SKAP1: variants seen among roughly 807,000 people sequenced by gnomAD.
The protein encoded by SKAP1 is src kinase-associated phosphoprotein 1.
SKAP1 carries 44 observed loss-of-function variants against 58.5 expected under a neutral mutation model. The ratio of observed to expected loss-of-function variants is 0.75; its 90% CI spans 0.59 to 0.97. The LOEUF is 0.97. Ranked by LOEUF, SKAP1 falls within the 50% of genes least tolerant of loss-of-function variation. The pLI, the probability that SKAP1 is intolerant of heterozygous loss-of-function variation, is 0.00. For synonymous variants in SKAP1, 127 were observed against 149.7 expected, an observed-to-expected ratio of 0.85 and a Z score of 1.11; for missense variants, 390 against 435.2, an observed-to-expected ratio of 0.90 and a Z score of 0.92.
chr17:48,405,002 G>C (rs1042387194), intron 1 of SKAP1, among the ~76,000 whole-genome samples: 1 of 152,104 alleles, frequency 6.6e-6, no homozygotes, highest in Non-Finnish European at 1.5e-5. Context: ...TTGATGTAAA[G>C]TACAATCCAC....
upstream of SKAP1, among the ~76,000 whole-genome samples, chr17:48,433,802 T>C (rs955153146): frequency 6.6e-6 from 1 of 151,666 alleles, no homozygotes; most frequent in Admixed American, 6.6e-5. Flanking sequence ...ACACAGAAAA[T>C]AGGGCCCATA....
At chr17:48,202,640 G>A (rs2064743369) in intron 4 of SKAP1, among the ~76,000 whole-genome samples, 1 of 152,130 alleles carries the variant, frequency 6.6e-6, no homozygotes, top group Non-Finnish European at 1.5e-5. Context: ...AGATTTAGGA[G>A]GGGAAAATGA....
At chr17:48,433,209 C>T (rs750084217), upstream of SKAP1, among the ~76,000 whole-genome samples, 7 of 152,130 alleles carry the variant, frequency 4.6e-5, no homozygotes, top group East Asian at 1.3e-3. Context: ...AATCCAATTT[C>T]GCAGGAAGCC....
intron 12 of SKAP1, among the ~76,000 whole-genome samples, chr17:48,135,528 C>T (rs1157198907): frequency 2.0e-5 from 3 of 152,068 alleles, no homozygotes; most frequent in Non-Finnish European, 4.4e-5. Flanking sequence ...CCCAGGCTGG[C>T]GTGCAGTGGT....
chr17:48,286,720 A>G (rs2065834231), intron 4 of SKAP1, among the ~76,000 whole-genome samples: 1 of 152,232 alleles, frequency 6.6e-6, no homozygotes, highest in Admixed American at 6.5e-5. Flanking sequence ...CCTCAAGAGC[A>G]AGAGTTCTTT....
chr17:48,230,303 T>A (rs1220897835), intron 4 of SKAP1, among the ~76,000 whole-genome samples: 1 of 152,228 alleles, frequency 6.6e-6, no homozygotes, highest in Non-Finnish European at 1.5e-5. Context: ...ATGTCTTTTC[T>A]TGTCCATACT....
chr17:48,389,272 C>T (rs2067315976), intron 2 of SKAP1, among the ~76,000 whole-genome samples: 1 of 152,202 alleles, frequency 6.6e-6, no homozygotes, highest in South Asian at 2.1e-4. Context: ...ACAGGGATAG[C>T]ACCTCTTTTA....
chr17:48,215,305 G>T (rs1434168186), intron 4 of SKAP1, among the ~76,000 whole-genome samples: 1 of 152,170 alleles, frequency 6.6e-6, no homozygotes, highest in African/African-American at 2.4e-5. Flanking sequence ...TATGGAGGAA[G>T]ACAAGCAGAA....
intron 4 of SKAP1, chr17:48,307,818 G>A (rs556829128): frequency 6.6e-6 from 1 of 152,214 alleles, no homozygotes; most frequent in East Asian, 1.9e-4. Context: ...AGAGGATAAT[G>A]TATATTTACA....
intron 4 of SKAP1, among the ~76,000 whole-genome samples, chr17:48,327,716 C>A (rs1424125301): frequency 2.6e-5 from 4 of 152,166 alleles, no homozygotes; most frequent in Non-Finnish European, 5.9e-5. Flanking sequence ...GCAGCCTCAA[C>A]CTCCTGGGCT....
intron 4 of SKAP1, among the ~76,000 whole-genome samples, chr17:48,289,783 ATATT>A (rs1164271602): frequency 2.6e-5 from 4 of 151,840 alleles, no homozygotes; most frequent in Non-Finnish European, 4.4e-5. Context: ...GTATATATAT[ATATT>A]TAAAAATTAA....
At chr17:48,214,626 T>TC (rs2064914653) in intron 4 of SKAP1, among the ~76,000 whole-genome samples, 1 of 151,398 alleles carries the variant, frequency 6.6e-6, no homozygotes, top group South Asian at 2.1e-4. Flanking sequence ...TTTTTTTTTT[T>TC]TTCTCTTTTT....
chr17:48,288,083 GTTAC>G (rs2065854804), intron 4 of SKAP1, among the ~76,000 whole-genome samples: 1 of 152,140 alleles, frequency 6.6e-6, no homozygotes, highest in South Asian at 2.1e-4. Flanking sequence ...TAGTAACAGT[GTTAC>G]TTAATTTGAC....
intron 4 of SKAP1, among the ~76,000 whole-genome samples, chr17:48,323,139 G>T (rs184225986): frequency 6.6e-6 from 1 of 151,358 alleles, no homozygotes; most frequent in African/African-American, 2.4e-5. Context: ...TAGAATGAAC[G>T]CTGGTAGACA....
intron 4 of SKAP1, among the ~76,000 whole-genome samples, chr17:48,269,929 A>G (rs1458746468): frequency 6.6e-6 from 1 of 152,258 alleles, no homozygotes; most frequent in East Asian, 1.9e-4. Context: ...CCCGACCAAC[A>G]TGGAGAAACC....
chr17:48,222,032 T>C (rs768297020), intron 4 of SKAP1, among the ~76,000 whole-genome samples: 1 of 152,180 alleles, frequency 6.6e-6, no homozygotes, highest in African/African-American at 2.4e-5. Flanking sequence ...ATTATTATAA[T>C]AAGCCCAGTC....
At chr17:48,276,143 T>A (rs1485210209) in intron 4 of SKAP1, among the ~76,000 whole-genome samples, 1 of 152,142 alleles carries the variant, frequency 6.6e-6, no homozygotes. Context: ...AACCATATGA[T>A]TCACAACTAA....
chr17:48,248,513 G>A (rs369921339), intron 4 of SKAP1, among the ~76,000 whole-genome samples: 1 of 152,302 alleles, frequency 6.6e-6, no homozygotes, highest in South Asian at 2.1e-4. Context: ...GTTGCAGTGG[G>A]CAGAGATTGC....
At chr17:48,374,585 T>C (rs1567889183) in intron 2 of SKAP1, among the ~76,000 whole-genome samples, 1 of 152,190 alleles carries the variant, frequency 6.6e-6, no homozygotes, top group Non-Finnish European at 1.5e-5. Context: ...GGAAAACCCC[T>C]TGCAACTGAT....
Sources: allele counts gnomAD v4.1 joint callset (sites outside exome capture counted in the v4.1 genomes callset), GRCh38; gene constraint gnomAD v4.1.1; transcripts MANE v1.5; gene names NCBI Gene and HGNC (gene_info 2026-07-23, HGNC 2026-07-21).